The following SGMS2 variants were observed in gnomAD, a reference collection of about 807,000 sequenced individuals.
The protein encoded by SGMS2 is sphingomyelin synthase 2.
SGMS2 carries 21 observed loss-of-function variants against 43.8 expected under a neutral mutation model. The ratio of observed to expected loss-of-function variants is 0.48; its 90% CI spans 0.34 to 0.69. SGMS2 has a LOEUF of 0.69. SGMS2 is among the 30% of genes least tolerant of loss of function. The pLI is 0.01. For synonymous variants in SGMS2, 167 were observed against 160.6 expected (o/e 1.04, Z -0.30); for missense variants, 384 against 443.2 (o/e 0.87, Z 1.20).
intron 1 of SGMS2, among the ~76,000 whole-genome samples, chr4:107,839,290 A>G (rs1726370873): frequency 6.6e-6 from 1 of 152,120 alleles, no homozygotes; most frequent in Non-Finnish European, 1.5e-5. Flanking sequence ...ATAGTTGACC[A>G]TGGCAACTTC....
intron 2 of SGMS2, among the ~76,000 whole-genome samples, chr4:107,882,022 T>TA (rs1160883723): frequency 2.0e-5 from 3 of 152,208 alleles, no homozygotes; most frequent in Non-Finnish European, 2.9e-5. Context: ...AGTGGACACT[T>TA]ATGTTGCTTC....
chr4:107,859,855 T>C (rs549660196), intron 2 of SGMS2, among the ~76,000 whole-genome samples: 1 of 152,148 alleles, frequency 6.6e-6, no homozygotes. Context: ...AGTAGTCGTA[T>C]GTTCTAATTT....
chr4:107,827,636 T>C (rs2125981024), intron 1 of SGMS2, among the ~76,000 whole-genome samples: 1 of 152,314 alleles, frequency 6.6e-6, no homozygotes, highest in East Asian at 1.9e-4. Context: ...TTTTAAATAT[T>C]CAAAGCAAGC....
At chr4:107,850,950 C>T (rs1727104819) in intron 1 of SGMS2, among the ~76,000 whole-genome samples, 1 of 152,144 alleles carries the variant, frequency 6.6e-6, no homozygotes, top group Admixed American at 6.5e-5. Flanking sequence ...TTCTCTTGCT[C>T]CAGTGATTCC....
At chr4:107,906,535 T>C (rs1002778672) in intron 5 of SGMS2, among the ~76,000 whole-genome samples, 16 of 152,234 alleles carry the variant, frequency 1.1e-4, no homozygotes, top group Admixed American at 2.6e-4. Context: ...CAGACAGTGA[T>C]GTTAGCTATT....
chr4:107,845,973 A>G (rs1343773932), intron 1 of SGMS2, among the ~76,000 whole-genome samples: 1 of 152,234 alleles, frequency 6.6e-6, no homozygotes, highest in Non-Finnish European at 1.5e-5. Context: ...ATCAACATTA[A>G]GCTGCATTTA....
intron 2 of SGMS2, among the ~76,000 whole-genome samples, chr4:107,892,590 T>G (rs964035180): frequency 3.9e-5 from 6 of 152,172 alleles, no homozygotes; most frequent in African/African-American, 1.4e-4. Context: ...CAGAGCACAG[T>G]TTGGTTTCAT....
intron 5 of SGMS2, among the ~76,000 whole-genome samples, chr4:107,903,950 T>G (rs529914692): frequency 5.3e-5 from 8 of 152,326 alleles, no homozygotes; most frequent in African/African-American, 1.9e-4. Flanking sequence ...ATTATTTTCT[T>G]CTCAATAAGA....
At chr4:107,840,050 A>G (rs1038668304) in intron 1 of SGMS2, among the ~76,000 whole-genome samples, 2 of 152,210 alleles carry the variant, frequency 1.3e-5, no homozygotes, top group African/African-American at 4.8e-5. Context: ...CCCTACTTAA[A>G]GACTACGTTT....
intron 2 of SGMS2, chr4:107,873,917 G>T (rs909230047): frequency 6.6e-6 from 1 of 152,108 alleles, no homozygotes; most frequent in Non-Finnish European, 1.5e-5. Flanking sequence ...TGCAGCTGCA[G>T]TGTCTACCTT....
intron 1 of SGMS2, among the ~76,000 whole-genome samples, chr4:107,836,770 A>G (rs1316149639): frequency 6.6e-6 from 1 of 152,216 alleles, no homozygotes; most frequent in Non-Finnish European, 1.5e-5. Context: ...CAGAGAAAAC[A>G]TTACTTGATA....
In SGMS2 at chr4:107,904,511, A is replaced by T. The variant is rs970753196; in HGVS notation, c.727+1125A>T. Among the ~76,000 whole-genome samples the T allele has an allele frequency of 3.9e-5, 6 of 152,178 alleles. No individual in the cohort carries two copies. In the East Asian group the frequency reaches 9.6e-4, roughly 24 times the overall value. On this transcript the variant is annotated intron_variant, in intron 5 of 6. Transcript: ENST00000690982. ...TCTGCTTTGAGGGTAAGATGACAAG[A>T]GTTGAGGTTCTCTGTAGTAGATGAA...
intron 1 of SGMS2, among the ~76,000 whole-genome samples, chr4:107,827,997 A>G (rs965874064): frequency 6.6e-5 from 10 of 152,126 alleles, no homozygotes; most frequent in African/African-American, 2.4e-4. Flanking sequence ...AAACAAAACA[A>G]AACAAAACAA....
chr4:107,869,405 A>G (rs1016834194), intron 2 of SGMS2, among the ~76,000 whole-genome samples: 1 of 152,146 alleles, frequency 6.6e-6, no homozygotes, highest in Admixed American at 6.6e-5. Context: ...ATAAACAGAA[A>G]TTCAGTAAAT....
chr4:107,885,295 G>C (rs750543851), intron 2 of SGMS2, among the ~76,000 whole-genome samples: 1 of 151,730 alleles, frequency 6.6e-6, no homozygotes, highest in African/African-American at 2.4e-5. Flanking sequence ...GAAAATGATT[G>C]TAATAAAATA....
intron 1 of SGMS2, among the ~76,000 whole-genome samples, chr4:107,843,251 C>A (rs2126001782): frequency 6.6e-6 from 1 of 151,834 alleles, no homozygotes; most frequent in East Asian, 1.9e-4. Context: ...TCCTTTGATC[C>A]CTTCAACTTA....
At chr4:107,847,893 C>T (rs893151558) in intron 1 of SGMS2, among the ~76,000 whole-genome samples, 2 of 152,110 alleles carry the variant, frequency 1.3e-5, no homozygotes, top group African/African-American at 2.4e-5. Context: ...TAGTGTAGTA[C>T]ACTTTGTACA....
At chr4:107,875,054 C>A (rs1276755486) in intron 2 of SGMS2, among the ~76,000 whole-genome samples, 1 of 152,148 alleles carries the variant, frequency 6.6e-6, no homozygotes, top group African/African-American at 2.4e-5. Context: ...GAACCTACAG[C>A]CTATTACAAC....
At chr4:107,850,733 C>T (rs1188532959) in intron 1 of SGMS2, among the ~76,000 whole-genome samples, 1 of 152,178 alleles carries the variant, frequency 6.6e-6, no homozygotes. Flanking sequence ...TTTACGTGGT[C>T]AGCATCACCA....
Sources: allele counts gnomAD v4.1 joint callset (sites outside exome capture counted in the v4.1 genomes callset), GRCh38; gene constraint gnomAD v4.1.1; transcripts MANE v1.5; gene names NCBI Gene and HGNC (gene_info 2026-07-23, HGNC 2026-07-21).